SYT7: variants seen among roughly 807,000 people sequenced by gnomAD.
SYT7 encodes synaptotagmin-7.
SYT7 carries 29 observed loss-of-function variants against 75.1 expected under a neutral mutation model. That is an observed-to-expected ratio of 0.39 (90% CI 0.29 to 0.53). SYT7 has a LOEUF of 0.53. Among genes scored for constraint, SYT7 ranks in the 20% least tolerant of loss-of-function variants. SYT7 has a pLI of 0.77. For synonymous variants in SYT7, 376 were observed against 401.7 expected, an observed-to-expected ratio of 0.94 and a Z score of 0.76; for missense variants, 693 against 953.2, an observed-to-expected ratio of 0.73 and a Z score of 3.59.
Position 61,517,117 on chromosome 11 carries a change from T to C in SYT7, c.*1510A>G, listed in dbSNP as rs1421040787. The C allele has an allele frequency of 2.5e-6, 1 of 396,294 alleles. No individual in the cohort carries two copies. Among genetic ancestry groups the C allele is most frequent in the African/African-American group, 2.1e-5 (1 of 48,578 alleles). 24.5% of individuals were successfully genotyped at this position (396,294 alleles called of 1,614,324 possible). On this transcript the variant is annotated 3_prime_UTR_variant, in exon 13 of 13. Coordinates refer to ENST00000539008, the MANE Select transcript of SYT7 (RefSeq NM_001365809.2). ...GGGGCCTGGCGCCACCTGGCGGTAG[T>C]TCTGGGAATGTCAGGCCCAGGCTCG...
chr11:61,546,645 C>G lies in SYT7; in HGVS notation c.348-390G>C. ...CCACAGGACAACGAAGGGTTAACGACGGAGGAAGAGCGGGCTGTCCAGGCC... is the reference window on the plus strand; with the variant it reads ...CCACAGGACAACGAAGGGTTAACGAGGGAGGAAGAGCGGGCTGTCCAGGCC... On this transcript the variant is annotated intron_variant, in intron 4 of 12. Transcript: ENST00000539008. This position sits in a 1 kb window ranked among gnomAD's most constrained non-coding sequence, Gnocchi z 7.6. 2.1e-6 allele frequency: 1 copy of G among 466,440 alleles called. No individual in the cohort carries two copies. The allele number at this position is 466,440 out of a possible 1,614,324, so 28.9% of individuals were successfully genotyped here.
At position 61,517,488 on chromosome 11, in the gene SYT7, C is replaced by T. The variant is rs537198768; in HGVS notation, c.*1139G>A. 447 of 398,610 alleles carry T rather than the reference C, an allele frequency of 1.1e-3. No homozygotes were observed. Among genetic ancestry groups the T allele is most frequent in the Non-Finnish European group, 1.5e-3 (350 of 226,236 alleles). The allele number at this position is 398,610 out of a possible 1,614,324, so 24.7% of individuals were successfully genotyped here. ...CGATCAGAGACCACGCACGATGAGACGGAATGAATGGAAGGTCTACAAGCA... is the reference window on the plus strand; with the variant it reads ...CGATCAGAGACCACGCACGATGAGATGGAATGAATGGAAGGTCTACAAGCA... On this transcript the variant is annotated 3_prime_UTR_variant, in exon 13 of 13. Transcript: ENST00000539008.
chr11:61,544,844 G>A (rs2063140596), intron 5 of SYT7, among the ~76,000 whole-genome samples: 1 of 152,190 alleles, frequency 6.6e-6, no homozygotes, highest in Non-Finnish European at 1.5e-5. Flanking sequence ...GGAGAAATTG[G>A]CTTGTGTGCA....
intron 1 of SYT7, among the ~76,000 whole-genome samples, chr11:61,572,533 G>A (rs1233336248): frequency 6.6e-6 from 1 of 152,162 alleles, no homozygotes; most frequent in Non-Finnish European, 1.5e-5. Flanking sequence ...GAGTGACCCG[G>A]GCAAGACACT....
At chr11:61,587,453 G>C in the SYT7 span, among the ~76,000 whole-genome samples, 1 of 152,264 alleles carries the variant, frequency 6.6e-6, no homozygotes, top group Non-Finnish European at 1.5e-5. Flanking sequence ...GCTGAGAAGG[G>C]GAAACTGAGG....
intron 1 of SYT7, among the ~76,000 whole-genome samples, chr11:61,563,268 G>A (rs998506967): frequency 5.3e-5 from 8 of 152,182 alleles, no homozygotes; most frequent in Admixed American, 3.9e-4. Context: ...AGATGACCTG[G>A]GTTTACGCCC....
At chr11:61,547,103 TG>T in intron 4 of SYT7, 73 bp downstream of exon 4, 1 of 1,461,108 alleles carries the variant, frequency 6.8e-7, no homozygotes. Flanking sequence ...CAGAGGTGGG[TG>T]GGGGCAGGAG....
In SYT7 at chr11:61,514,342, G is replaced by C. The variant is rs1304662813; in HGVS notation, c.*4285C>G. Among the ~76,000 whole-genome samples the C allele has an allele frequency of 6.6e-6, 1 of 152,222 alleles. No individual in the cohort carries two copies. Among genetic ancestry groups the C allele is most frequent in the East Asian group, 1.9e-4 (1 of 5,194 alleles). On this transcript the variant is annotated 3_prime_UTR_variant, in exon 13 of 13. Transcript: ENST00000539008. ...GAGATCAGAAGTGATATCTAAACCA[G>C]GTTGTGGGAAATGAGGGACAGACAG...
intron 5 of SYT7, among the ~76,000 whole-genome samples, chr11:61,543,822 C>T (rs1590883069): frequency 6.6e-6 from 1 of 152,348 alleles, no homozygotes; most frequent in South Asian, 2.1e-4. Context: ...CCAGGCTGCC[C>T]CCAGGCACCA....
intron 1 of SYT7, among the ~76,000 whole-genome samples, chr11:61,578,969 C>T (rs1387699194): frequency 6.6e-6 from 1 of 152,204 alleles, no homozygotes; most frequent in Non-Finnish European, 1.5e-5. Flanking sequence ...TGGTACTGGA[C>T]TCCAGACCCT....
At chr11:61,560,036 G>C (rs764672462) in intron 1 of SYT7, among the ~76,000 whole-genome samples, 7 of 152,154 alleles carry the variant, frequency 4.6e-5, no homozygotes, top group South Asian at 4.1e-4. Flanking sequence ...GGACAAGCCA[G>C]GTATTCCAGG....
At chr11:61,544,049 T>A (rs1263416131) in intron 5 of SYT7, among the ~76,000 whole-genome samples, 1 of 152,224 alleles carries the variant, frequency 6.6e-6, no homozygotes, top group Non-Finnish European at 1.5e-5. Context: ...GCCATTGGCA[T>A]TAGTTTACAT....
At chr11:61,584,519 C>T (rs976891000), upstream of SYT7, among the ~76,000 whole-genome samples, 1 of 152,232 alleles carries the variant, frequency 6.6e-6, no homozygotes, top group Non-Finnish European at 1.5e-5. Flanking sequence ...CACATACTCC[C>T]CATTCCCATG....
chr11:61,548,025 G>A (rs1319166255), intron 3 of SYT7, among the ~76,000 whole-genome samples: 1 of 152,202 alleles, frequency 6.6e-6, no homozygotes, highest in Non-Finnish European at 1.5e-5. Flanking sequence ...TCTACTCCAT[G>A]AGGCTGGGCT....
chr11:61,514,681 C>T lies in SYT7; in HGVS notation c.*3946G>A, dbSNP rs1433212742. Among the ~76,000 whole-genome samples the T allele has an allele frequency of 1.3e-5, 2 of 152,188 alleles. No individual in the cohort carries two copies. Among genetic ancestry groups the T allele is most frequent in the Non-Finnish European group, 2.9e-5 (2 of 68,048 alleles). ...AACAGGTGGAAGGAAAGAGCTTGCC[C>T]AGGGCCACAGAGGCTGCAGAAGGGA... On this transcript the variant is annotated 3_prime_UTR_variant, in exon 13 of 13. Transcript: ENST00000539008.
chr11:61,536,067 G>GGCAGCCCACCACCCGAGAA (rs1334023547), intron 7 of SYT7, among the ~76,000 whole-genome samples: 5 of 152,116 alleles, frequency 3.3e-5, no homozygotes, highest in Non-Finnish European at 5.9e-5. Flanking sequence ...GGACCCCTGT[G>GGCAGCCCACCACCCGAGAA]GCAGCCCACC....
In SYT7 at chr11:61,527,864, T is replaced by C. The variant is rs750970572; in HGVS notation, c.1471+51A>G. 2.5e-6 allele frequency: 4 copies of C among 1,598,464 alleles called. No individual in the cohort carries two copies. In the African/African-American group the frequency reaches 4.0e-5, roughly 16 times the overall value. On this transcript the variant is annotated intron_variant, in intron 9 of 12. Coordinates refer to ENST00000539008, the MANE Select transcript of SYT7 (RefSeq NM_001365809.2). ...CCACAAGTGTGGTTGGGTAGGGGGA[T>C]GGTAGACAGCAAGAGGTGACCATGG...
At chr11:61,532,052 G>A (rs773695648) in intron 8 of SYT7, among the ~76,000 whole-genome samples, 106 of 152,140 alleles carry the variant, frequency 7.0e-4, no homozygotes, top group Non-Finnish European at 5.7e-4. Flanking sequence ...GGTTAGAGCT[G>A]GCTGGAACCC....
intron 1 of SYT7, among the ~76,000 whole-genome samples, chr11:61,563,640 C>T (rs2063696070): frequency 6.6e-6 from 1 of 152,184 alleles, no homozygotes; most frequent in South Asian, 2.1e-4. Flanking sequence ...GCCACACTTT[C>T]CTCTTTCCCA....
Sources: gnomAD v4.1 joint callset for allele counts (sites outside exome capture counted in the v4.1 genomes callset) on GRCh38, gnomAD v4.1.1 for gene constraint, Gnocchi (gnomAD v3.1) non-coding constraint, MANE v1.5 for transcripts, NCBI Gene and HGNC (gene_info 2026-07-23, HGNC 2026-07-21) for gene names.